STXBP5L: variants seen among roughly 807,000 people sequenced by gnomAD.
The protein encoded by STXBP5L is syntaxin-binding protein 5-like.
In STXBP5L, 65 loss-of-function variants were observed where a neutral mutation model predicts 144.5. That is an observed-to-expected ratio of 0.45 (90% CI 0.37 to 0.55). The LOEUF (loss-of-function observed/expected upper bound fraction) is 0.55, where lower values mean the gene tolerates loss of function less well. Ranked by LOEUF, STXBP5L falls within the 20% of genes least tolerant of loss-of-function variation. The pLI is 0.00. For missense variants in STXBP5L, 1,298 were observed against 1,405.5 expected (o/e 0.92, Z 1.22); for synonymous variants, 505 against 469.6 (o/e 1.08, Z -0.97).
At chr3:120,911,061 T>A (rs888181582) in intron 2 of STXBP5L, among the ~76,000 whole-genome samples, 3 of 152,132 alleles carry the variant, frequency 2.0e-5, no homozygotes, top group Non-Finnish European at 4.4e-5. Flanking sequence ...TTGATGTGTT[T>A]GCAATTTTCA....
chr3:121,136,469 G>A (rs2045262909), intron 7 of STXBP5L, among the ~76,000 whole-genome samples: 1 of 152,126 alleles, frequency 6.6e-6, no homozygotes, highest in South Asian at 2.1e-4. Flanking sequence ...ATAAACCTTA[G>A]TTGCAGTGCT....
In STXBP5L at chr3:121,206,809, G is replaced by A. The variant is rs201696788; in HGVS notation, c.956+808G>A. Among the ~76,000 whole-genome samples the A allele has an allele frequency of 1.3e-4, 20 of 152,076 alleles. No homozygotes were observed. In the East Asian group the frequency reaches 3.9e-3, roughly 29 times the overall value. On this transcript the variant is annotated intron_variant, in intron 10 of 26. Transcript: ENST00000471454. ...AACCTGTGCAACAGAGCGAGACTCT[G>A]TCTCAAAAAGAAAAAAAAGTAGCCA...
At chr3:120,986,801 A>G (rs1056972915) in intron 3 of STXBP5L, among the ~76,000 whole-genome samples, 1 of 151,978 alleles carries the variant, frequency 6.6e-6, no homozygotes, top group Admixed American at 6.6e-5. Flanking sequence ...ACAATACTTT[A>G]AATAAAAAAA....
At chr3:121,173,051 A>G (rs549743393) in intron 9 of STXBP5L, among the ~76,000 whole-genome samples, 1 of 152,190 alleles carries the variant, frequency 6.6e-6, no homozygotes, top group African/African-American at 2.4e-5. Context: ...GAAGCTGGAA[A>G]CCATTCTCAG....
At chr3:121,324,351 T>C (rs2044075410) in intron 20 of STXBP5L, 3 of 540,954 alleles carry the variant, frequency 5.5e-6, no homozygotes, top group African/African-American at 1.9e-5. Context: ...GGAGCAGTAT[T>C]TATCTTTATT....
At chr3:120,953,017 A>G (rs1031409239) in intron 2 of STXBP5L, among the ~76,000 whole-genome samples, 5 of 151,548 alleles carry the variant, frequency 3.3e-5, no homozygotes, top group Non-Finnish European at 7.4e-5. Context: ...CCAGGGTGGT[A>G]TCGAACTCCT....
intron 20 of STXBP5L, among the ~76,000 whole-genome samples, chr3:121,355,492 G>C (rs1035812683): frequency 6.6e-6 from 1 of 152,024 alleles, no homozygotes; most frequent in African/African-American, 2.4e-5. Context: ...ATTGAATCTT[G>C]TGCATGCATC....
chr3:120,971,297 G>T (rs1271805564), intron 3 of STXBP5L, among the ~76,000 whole-genome samples: 1 of 151,968 alleles, frequency 6.6e-6, no homozygotes, highest in African/African-American at 2.4e-5. Flanking sequence ...GAGTAGTGGA[G>T]AAATTGAGGA....
At chr3:120,991,292 C>G (rs1576592903) in intron 3 of STXBP5L, among the ~76,000 whole-genome samples, 1 of 151,638 alleles carries the variant, frequency 6.6e-6, no homozygotes, top group Non-Finnish European at 1.5e-5. Flanking sequence ...TACCATCTCA[C>G]ACCAGTTAGA....
intron 9 of STXBP5L, among the ~76,000 whole-genome samples, chr3:121,182,430 A>T (rs1211857): frequency 0.48 from 72,259 of 152,058 alleles, 17,738 homozygotes; most frequent in East Asian, 0.73. Flanking sequence ...CTTTGGGTTA[A>T]TAAGGAAATC....
chr3:121,352,940 CAT>C (rs1292600710), intron 20 of STXBP5L, among the ~76,000 whole-genome samples: 2 of 152,064 alleles, frequency 1.3e-5, no homozygotes, highest in African/African-American at 4.8e-5. Context: ...TTGAGATAAT[CAT>C]GTGGTTTTTG....
chr3:120,960,043 TCAAA>T (rs1186916562), intron 3 of STXBP5L, among the ~76,000 whole-genome samples: 3 of 151,816 alleles, frequency 2.0e-5, no homozygotes, highest in Non-Finnish European at 4.4e-5. Flanking sequence ...TACAAAGAAC[TCAAA>T]CAAAAATTTA....
intron 5 of STXBP5L, among the ~76,000 whole-genome samples, chr3:121,092,112 T>A (rs1485159600): frequency 1.3e-5 from 2 of 152,296 alleles, no homozygotes; most frequent in South Asian, 2.1e-4. Context: ...TTCTGAGGGC[T>A]CTGTTCTATT....
intron 3 of STXBP5L, among the ~76,000 whole-genome samples, chr3:121,004,568 C>G (rs1466565269): frequency 1.3e-5 from 2 of 151,914 alleles, no homozygotes; most frequent in African/African-American, 4.8e-5. Context: ...ATTGCCCTGG[C>G]CAGAACTTCC....
intron 3 of STXBP5L, among the ~76,000 whole-genome samples, chr3:120,990,078 T>C (rs1401495585): frequency 6.6e-6 from 1 of 152,078 alleles, no homozygotes; most frequent in Non-Finnish European, 1.5e-5. Context: ...CAGCCCAAAA[T>C]CTCCTTAAGC....
chr3:121,111,147 T>C (rs759728851), intron 5 of STXBP5L, among the ~76,000 whole-genome samples: 1 of 152,222 alleles, frequency 6.6e-6, no homozygotes, highest in Non-Finnish European at 1.5e-5. Flanking sequence ...TAATGTTTTA[T>C]CATGGTTATT....
At chr3:121,283,826 C>T (rs1301438065) in intron 19 of STXBP5L, among the ~76,000 whole-genome samples, 1 of 151,718 alleles carries the variant, frequency 6.6e-6, no homozygotes, top group Non-Finnish European at 1.5e-5. Flanking sequence ...TAGTTTAATA[C>T]ACATATTCAG....
intron 6 of STXBP5L, among the ~76,000 whole-genome samples, chr3:121,119,443 G>A (rs997023039): frequency 6.6e-6 from 1 of 151,374 alleles, no homozygotes; most frequent in East Asian, 1.9e-4. Flanking sequence ...TTAAGATATG[G>A]GAAGATAATG....
In STXBP5L at chr3:121,324,435, A is replaced by G. The variant is rs1577460365; in HGVS notation, c.2176+5895A>G. Reference sequence around the variant, plus strand: ...TTCAGCTTTATTAAAGATAAAAATTATTGGTTCACTTAGGCTAAGGTACTC... The same window carrying G: ...TTCAGCTTTATTAAAGATAAAAATTGTTGGTTCACTTAGGCTAAGGTACTC... On this transcript the variant is annotated intron_variant, in intron 20 of 26. Transcript: ENST00000471454. 8 of 619,716 alleles carry G rather than the reference A, an allele frequency of 1.3e-5. No homozygotes were observed. The East Asian group carries it at 2.0e-4, about 15-fold the overall frequency. 38.4% of individuals were successfully genotyped at this position (619,716 alleles called of 1,614,324 possible).
Sources: gnomAD v4.1 joint callset for allele counts (sites outside exome capture counted in the v4.1 genomes callset) on GRCh38, gnomAD v4.1.1 for gene constraint, MANE v1.5 for transcripts, NCBI Gene and HGNC (gene_info 2026-07-23, HGNC 2026-07-21) for gene names.